Variants in ACTR3 observed in about 807,000 individuals in gnomAD.
The protein encoded by ACTR3 is actin-related protein 3.
ACTR3 carries 12 observed loss-of-function variants against 56.8 expected under a neutral mutation model. That is an observed-to-expected ratio of 0.21 (90% CI 0.14 to 0.34). The LOEUF (loss-of-function observed/expected upper bound fraction) is 0.34, where lower values mean the gene tolerates loss of function less well. Ranked by LOEUF, ACTR3 falls within the 10% of genes least tolerant of loss-of-function variation. ACTR3 has a pLI of 1.00. For missense variants in ACTR3, 282 were observed against 512.5 expected (o/e 0.55, Z 4.34); for synonymous variants, 162 against 167.4 (o/e 0.97, Z 0.25).
intron 8 of ACTR3, among the ~76,000 whole-genome samples, chr2:113,943,605 A>G (rs1175433062): frequency 1.3e-5 from 2 of 152,212 alleles, no homozygotes; most frequent in African/African-American, 4.8e-5. Flanking sequence ...TTTGTGGGTC[A>G]GTGAGAATGA....
intron 6 of ACTR3, among the ~76,000 whole-genome samples, chr2:113,937,124 G>T (rs1395425980): frequency 3.3e-5 from 5 of 152,048 alleles, no homozygotes; most frequent in Non-Finnish European, 5.9e-5. Context: ...CTTTTTTGGA[G>T]ACAGAGTCTT....
rs781667675 is a variant in ACTR3, at chr2:113,939,983, T to A, written c.565T>A (p.Cys189Ser). Residue 189 changes from cysteine (C) to serine (S), a missense_variant, in exon 7 of 12, where the codon TGT becomes AGT. Coordinates refer to ENST00000263238, the MANE Select transcript of ACTR3 (RefSeq NM_005721.5). ...GGCTGAAGGGTATGTGATTGGCAGC[T>A]GTATTAAACACATTCCAATCGCAGG... is the stretch of plus-strand genomic sequence containing the variant. Reference protein sequence around the residue: ...PVAEGYVIGSCIKHIPIAGRD... With the variant: ...PVAEGYVIGSSIKHIPIAGRD... 27 of 1,608,428 alleles carry A rather than the reference T, an allele frequency of 1.7e-5. No homozygotes were observed. In the Admixed American group the frequency reaches 4.5e-4, roughly 27 times the overall value.
rs777154692 is a variant in ACTR3, at chr2:113,951,465, A to G, written c.859-14A>G. On this transcript the variant is annotated splice_polypyrimidine_tract_variant and intron_variant, in intron 8 of 11. Transcript: ENST00000263238. Reference sequence around the variant, plus strand: ...GTGATATGATCTCTATTATATATCCAACTTATTTTTCAGTTTGCTAATCCA... The same window carrying G: ...GTGATATGATCTCTATTATATATCCGACTTATTTTTCAGTTTGCTAATCCA... The G allele has an allele frequency of 5.8e-6, 9 of 1,553,630 alleles. No individual in the cohort carries two copies. Among genetic ancestry groups the G allele is most frequent in the Admixed American group, 3.4e-5 (2 of 59,644 alleles).
At chr2:113,947,124 A>T (rs1344776136) in intron 8 of ACTR3, among the ~76,000 whole-genome samples, 1 of 152,238 alleles carries the variant, frequency 6.6e-6, no homozygotes, top group Non-Finnish European at 1.5e-5. Flanking sequence ...GAAGTGTGTC[A>T]GACCTCATTT....
At chr2:113,949,782 C>T (rs1274977838) in intron 8 of ACTR3, among the ~76,000 whole-genome samples, 1 of 152,130 alleles carries the variant, frequency 6.6e-6, no homozygotes, top group Non-Finnish European at 1.5e-5. Flanking sequence ...AGGCTGGTGT[C>T]AAACTCTGGG....
At chr2:113,899,277 A>G (rs1679058797) in intron 1 of ACTR3, among the ~76,000 whole-genome samples, 1 of 152,336 alleles carries the variant, frequency 6.6e-6, no homozygotes, top group Non-Finnish European at 1.5e-5. Context: ...TGAAGCTGCA[A>G]TTTGAAAATG....
At chr2:113,912,964 C>A (rs1039183911) in intron 1 of ACTR3, among the ~76,000 whole-genome samples, 2 of 152,010 alleles carry the variant, frequency 1.3e-5, no homozygotes, top group Admixed American at 1.3e-4. Flanking sequence ...GGATCAATTT[C>A]TTGAAGTGGA....
intron 1 of ACTR3, among the ~76,000 whole-genome samples, chr2:113,901,791 C>T (rs996941809): frequency 9.9e-5 from 15 of 152,070 alleles, no homozygotes; most frequent in African/African-American, 3.4e-4. Context: ...TTCTTAAGGG[C>T]CCTATAATTT....
At chr2:113,908,478 A>G (rs377225551) in intron 1 of ACTR3, among the ~76,000 whole-genome samples, 2 of 151,626 alleles carry the variant, frequency 1.3e-5, no homozygotes, top group East Asian at 3.9e-4. Flanking sequence ...TTAATATTTA[A>G]TATACTTTCT....
intron 5 of ACTR3, among the ~76,000 whole-genome samples, chr2:113,932,692 G>T (rs988979442): frequency 1.3e-5 from 2 of 152,032 alleles, no homozygotes; most frequent in Non-Finnish European, 2.9e-5. Flanking sequence ...GATAATTCTT[G>T]GTTGTAGATG....
intron 8 of ACTR3, 58 bp downstream of exon 8, chr2:113,942,417 A>G: frequency 8.5e-7 from 1 of 1,175,980 alleles, no homozygotes; most frequent in Admixed American, 2.9e-5. Flanking sequence ...GAATTAATAG[A>G]TATTCAGAGA....
At position 113,942,308 on chromosome 2, in the gene ACTR3, C is replaced by T. The variant is rs752806188; in HGVS notation, c.807C>T (p.Ile269=). 1.3e-5 allele frequency: 20 copies of T among 1,598,776 alleles called. 1 individual carries two copies. The highest frequency in any genetic ancestry group is 7.9e-5 in the South Asian group (7 of 88,314). ...INAISKKEFS[I]DVGYERFLGP... is the part of the protein sequence containing the mutation. ...CTATCTCAAAGAAAGAGTTTTCTAT[C>T]GATGTTGGTTATGAGAGATTTTTGG... The change falls in exon 8 of 12, where the codon ATC becomes ATT. Residue 269 remains isoleucine, a synonymous_variant. Transcript: ENST00000263238.
intron 1 of ACTR3, among the ~76,000 whole-genome samples, chr2:113,903,142 A>G (rs561350778): frequency 3.3e-5 from 5 of 152,316 alleles, no homozygotes; most frequent in South Asian, 4.1e-4. Context: ...CAGCTCTCCA[A>G]TTCCTCCATT....
At chr2:113,899,488 T>C (rs1205876034) in intron 1 of ACTR3, among the ~76,000 whole-genome samples, 1 of 152,246 alleles carries the variant, frequency 6.6e-6, no homozygotes, top group Non-Finnish European at 1.5e-5. Context: ...TACTTGAGGT[T>C]TACAGTTTAG....
intron 1 of ACTR3, among the ~76,000 whole-genome samples, chr2:113,898,008 G>A (rs962182615): frequency 1.3e-5 from 2 of 152,158 alleles, no homozygotes; most frequent in African/African-American, 4.8e-5. Flanking sequence ...TTAGTGTAAA[G>A]GAGAGGTTAC....
At chr2:113,890,379 G>A in intron 1 of ACTR3, 56 bp downstream of exon 1, 1 of 1,410,484 alleles carries the variant, frequency 7.1e-7, no homozygotes, top group Non-Finnish European at 9.6e-7. Context: ...GGAAGATGGC[G>A]GGGGAGGGAG....
intron 1 of ACTR3, among the ~76,000 whole-genome samples, chr2:113,901,985 T>G (rs1362691312): frequency 6.6e-6 from 1 of 152,238 alleles, no homozygotes; most frequent in African/African-American, 2.4e-5. Flanking sequence ...CTGAAAAAGA[T>G]TCTATTAATG....
At chr2:113,927,554 T>C (rs1410655982) in intron 4 of ACTR3, 99 bp downstream of exon 4, 3 of 743,928 alleles carry the variant, frequency 4.0e-6, no homozygotes, top group South Asian at 2.2e-5. Context: ...TATTAAATTG[T>C]CATATGTCTA....
intron 2 of ACTR3, among the ~76,000 whole-genome samples, chr2:113,916,329 G>A (rs1679404512): frequency 6.6e-6 from 1 of 151,910 alleles, no homozygotes; most frequent in African/African-American, 2.4e-5. Context: ...TATTGTTGTG[G>A]GTTTCACCTA....
Sources: allele counts gnomAD v4.1 joint callset (sites outside exome capture counted in the v4.1 genomes callset), GRCh38; gene constraint gnomAD v4.1.1; transcripts MANE v1.5; gene names NCBI Gene and HGNC (gene_info 2026-07-23, HGNC 2026-07-21).